Variants in ARMC10 observed in about 807,000 individuals in gnomAD.
ARMC10 encodes the protein armadillo repeat-containing protein 10.
Under a neutral mutation model 30.2 loss-of-function variants are expected in ARMC10, and 23 were observed. The observed-to-expected ratio is 0.76, with a 90% CI of 0.55 to 1.08. The LOEUF (loss-of-function observed/expected upper bound fraction) is 1.08. Among genes scored for constraint, ARMC10 ranks in the 50% least tolerant of loss-of-function variants. ARMC10 has a pLI of 0.00. For missense variants in ARMC10, 303 were observed against 413.7 expected, an observed-to-expected ratio of 0.73 and a Z score of 2.32; for synonymous variants, 111 against 164.4, an observed-to-expected ratio of 0.68 and a Z score of 2.48.
At chr7:103,098,261 T>C (rs1463999662) in intron 6 of ARMC10, 38 bp from the exon 7 acceptor site, 1 of 1,284,620 alleles carries the variant, frequency 7.8e-7, no homozygotes, top group African/African-American at 1.5e-5. Context: ...TTTCATATAT[T>C]ATTAATATAA....
intron 2 of ARMC10, chr7:103,083,120 A>G (rs1400498412): frequency 6.6e-6 from 3 of 456,636 alleles, no homozygotes; most frequent in African/African-American, 4.0e-5. Context: ...GCAAAATGTT[A>G]TCAGCATTTG....
intron 5 of ARMC10, among the ~76,000 whole-genome samples, chr7:103,095,052 G>T (rs1383476379): frequency 6.6e-6 from 1 of 152,154 alleles, no homozygotes; most frequent in Non-Finnish European, 1.5e-5. Flanking sequence ...CAAAGAAATT[G>T]TGACTATACA....
chr7:103,095,294 A>G (rs4729876), intron 5 of ARMC10, among the ~76,000 whole-genome samples: 138,485 of 152,152 alleles, frequency 0.91, 64,415 homozygotes, highest in East Asian at 1. Flanking sequence ...GGGTTTTGCC[A>G]TGTTGCCCAT....
At chr7:103,096,785 CA>C (rs1801793961) in intron 5 of ARMC10, 1 of 155,748 alleles carries the variant, frequency 6.4e-6, no homozygotes, top group South Asian at 1.9e-4. Flanking sequence ...CTTCACTTAC[CA>C]GTAATCATAA....
At chr7:103,083,183 C>G in intron 2 of ARMC10, 4 of 455,880 alleles carry the variant, frequency 8.8e-6, no homozygotes, top group South Asian at 6.2e-5. Context: ...TGCCAGGTGA[C>G]CATTGACTAA....
At chr7:103,081,160 C>T (rs990093012) in intron 2 of ARMC10, among the ~76,000 whole-genome samples, 1 of 152,200 alleles carries the variant, frequency 6.6e-6, no homozygotes, top group African/African-American at 2.4e-5. Context: ...GAGCCTAAGT[C>T]TCTTACCTGG....
chr7:103,086,795 G>C (rs1305492525), intron 4 of ARMC10, 31 bp downstream of exon 4: 5 of 1,585,916 alleles, frequency 3.2e-6, no homozygotes, highest in Non-Finnish European at 4.3e-6. Context: ...AAATGTATAA[G>C]GTTTTCTATA....
chr7:103,083,078 T>C (rs951016329), intron 2 of ARMC10: 5 of 456,632 alleles, frequency 1.1e-5, no homozygotes, highest in African/African-American at 2.0e-5. Flanking sequence ...AAGTGTTCAT[T>C]GGATGGGTGT....
At chr7:103,078,673 T>C (rs565564299) in intron 2 of ARMC10, among the ~76,000 whole-genome samples, 1 of 152,186 alleles carries the variant, frequency 6.6e-6, no homozygotes, top group Non-Finnish European at 1.5e-5. Context: ...TGTTTTGTTT[T>C]TGTTTTTTTT....
rs1368945110 is a variant in ARMC10, at chr7:103,092,462, C to T, written c.529-15C>T. 1 of 1,530,398 alleles carries T rather than the reference C, an allele frequency of 6.5e-7. No homozygotes were observed. 94.8% of individuals were successfully genotyped at this position (1,530,398 alleles called of 1,614,324 possible). A position where few individuals can be genotyped will look rare whatever the true frequency, so the allele number is the denominator to read the frequency against. ...TGGAGATTCTAAGATGCTCATTTTC[C>T]TCCCCTGCCTTCAGATATACATCAG... On this transcript the variant is annotated splice_polypyrimidine_tract_variant and intron_variant, in intron 4 of 6. Transcript: ENST00000323716.
chr7:103,081,834 G>A (rs1448775206), intron 2 of ARMC10: 1 of 455,800 alleles, frequency 2.2e-6, no homozygotes, highest in South Asian at 1.6e-5. Flanking sequence ...GGCTGTGTAG[G>A]AAACTCTGGA....
intron 4 of ARMC10, chr7:103,087,055 T>C (rs1239188371): frequency 8.2e-6 from 4 of 485,130 alleles, no homozygotes; most frequent in Non-Finnish European, 1.2e-5. Flanking sequence ...ACCAACCAAA[T>C]AGTGAATATA....
intron 1 of ARMC10, 116 bp downstream of exon 1, chr7:103,075,527 G>A: frequency 3.6e-6 from 4 of 1,119,982 alleles, no homozygotes; most frequent in Non-Finnish European, 4.6e-6. Flanking sequence ...AGAGGGAGAG[G>A]CAGTACTTGT....
intron 3 of ARMC10, among the ~76,000 whole-genome samples, chr7:103,085,029 C>CGGGG (rs1313160075): frequency 1.3e-5 from 2 of 152,166 alleles, no homozygotes; most frequent in Non-Finnish European, 2.9e-5. Context: ...GGAGATGCCA[C>CGGGG]ATCTGCCCCC....
At chr7:103,095,746 A>C (rs1563331713) in intron 5 of ARMC10, 1 of 152,334 alleles carries the variant, frequency 6.6e-6, no homozygotes. Flanking sequence ...ATGGAATACT[A>C]TGCAGCCATA....
chr7:103,085,606 C>CTT (rs10581217), intron 3 of ARMC10, among the ~76,000 whole-genome samples: 7 of 130,580 alleles, frequency 5.4e-5, no homozygotes, highest in African/African-American at 2.0e-4. Flanking sequence ...CATTTCTCTT[C>CTT]TTTTTTTTTT....
intron 2 of ARMC10, among the ~76,000 whole-genome samples, chr7:103,078,570 C>T (rs1800102125): frequency 6.6e-6 from 1 of 152,208 alleles, no homozygotes; most frequent in South Asian, 2.1e-4. Context: ...ATAAATTACC[C>T]AGTCTCGGGC....
intron 2 of ARMC10, among the ~76,000 whole-genome samples, chr7:103,078,004 CT>C (rs1286051060): frequency 3.3e-5 from 5 of 151,418 alleles, no homozygotes; most frequent in Admixed American, 2.6e-4. Flanking sequence ...TCATCTTTTT[CT>C]TTTTTTTTGA....
Position 103,092,615 on chromosome 7 carries a change from C to T in ARMC10, c.667C>T (p.Leu223=). ...CATGCTTCACAGTTACATTACAGACCTGTTCCAGGTGTTACTTACTGGAAA... is the reference window on the plus strand; with the variant it reads ...CATGCTTCACAGTTACATTACAGACTTGTTCCAGGTGTTACTTACTGGAAA... ...QHMLHSYITD[L]FQVLLTGNGN... Residue 223 remains leucine (L), a synonymous_variant, in exon 5 of 7, where the codon CTG becomes TTG. Transcript: ENST00000323716. 6.3e-7 allele frequency: 1 copy of T among 1,596,488 alleles called. No individual in the cohort carries two copies. The highest frequency in any genetic ancestry group is 1.1e-5 in the South Asian group (1 of 90,038).
Sources: allele counts gnomAD v4.1 joint callset (sites outside exome capture counted in the v4.1 genomes callset), GRCh38; gene constraint gnomAD v4.1.1; transcripts MANE v1.5; gene names NCBI Gene and HGNC (gene_info 2026-07-23, HGNC 2026-07-21).